FBXW11: variants seen among roughly 807,000 people sequenced by gnomAD.
The protein encoded by FBXW11 is F-box and WD repeat domain containing 11, also known as F-box/WD repeat-containing protein 11.
A neutral mutation model predicts 77.6 loss-of-function variants in FBXW11; 19 were observed. The observed-to-expected ratio is 0.24, with a 90% CI of 0.17 to 0.36. The LOEUF is 0.36. Ranked by LOEUF, FBXW11 falls within the 10% of genes least tolerant of loss-of-function variation. FBXW11 has a pLI of 1.00. For missense variants in FBXW11, 334 were observed against 704.2 expected (o/e 0.47, Z 5.95); for synonymous variants, 235 against 249.4 (o/e 0.94, Z 0.54).
At chr5:171,868,936 T>C in intron 12 of FBXW11, 140 bp from the exon 13 acceptor site, 1 of 653,582 alleles carries the variant, frequency 1.5e-6, no homozygotes, top group East Asian at 3.0e-5. Flanking sequence ...CTGAACTGTG[T>C]CCTTCATCCC....
At chr5:171,970,692 T>TA (rs1488281592) in intron 1 of FBXW11, among the ~76,000 whole-genome samples, 1 of 152,184 alleles carries the variant, frequency 6.6e-6, no homozygotes, top group Non-Finnish European at 1.5e-5. Context: ...ACAATGGTAA[T>TA]AAAAATTTTG....
At chr5:171,988,951 C>T (rs1241559905) in intron 1 of FBXW11, among the ~76,000 whole-genome samples, 2 of 152,048 alleles carry the variant, frequency 1.3e-5, no homozygotes, top group African/African-American at 2.4e-5. Context: ...CCGAGGTGGG[C>T]GAATCTCCTG....
At chr5:171,917,580 T>C (rs1761334557) in intron 2 of FBXW11, among the ~76,000 whole-genome samples, 1 of 152,198 alleles carries the variant, frequency 6.6e-6, no homozygotes, top group African/African-American at 2.4e-5. Flanking sequence ...TACATACTTT[T>C]CCACTTCTTT....
intron 2 of FBXW11, among the ~76,000 whole-genome samples, chr5:171,947,661 G>A (rs990650894): frequency 6.6e-6 from 1 of 152,112 alleles, no homozygotes; most frequent in African/African-American, 2.4e-5. Flanking sequence ...CCATTAATAA[G>A]AGACTGATTA....
intron 7 of FBXW11, among the ~76,000 whole-genome samples, chr5:171,880,570 A>C (rs143797078): frequency 6.6e-6 from 1 of 152,218 alleles, no homozygotes; most frequent in Admixed American, 6.5e-5. Context: ...AGCATGAAAT[A>C]TCTCTCCCCA....
rs189372699 is a variant in FBXW11 at position 171,978,943 on chromosome 5, T to C, written c.46-21245A>G. Among the ~76,000 whole-genome samples, 25 of 152,336 alleles carry C rather than the reference T, an allele frequency of 1.6e-4. No individual in the cohort carries two copies. In the East Asian group the frequency reaches 3.7e-3, roughly 22 times the overall value. ...TTAATTAAACTGAGATTTTTTGATTTATTAAAACCCTAAAATGGCATAAAC... is the reference window on the plus strand; with the variant it reads ...TTAATTAAACTGAGATTTTTTGATTCATTAAAACCCTAAAATGGCATAAAC... On this transcript the variant is annotated intron_variant, in intron 1 of 13. Transcript: ENST00000517395.
intron 2 of FBXW11, among the ~76,000 whole-genome samples, chr5:171,948,458 C>A (rs926140209): frequency 6.6e-6 from 1 of 151,916 alleles, no homozygotes. Context: ...GTGTTACTAG[C>A]CAGGCATGGT....
At chr5:171,940,639 C>T (rs990466841) in intron 2 of FBXW11, among the ~76,000 whole-genome samples, 3 of 152,132 alleles carry the variant, frequency 2.0e-5, no homozygotes, top group Admixed American at 6.6e-5. Flanking sequence ...TCTGTAATCC[C>T]GGCACTTTGG....
intron 1 of FBXW11, among the ~76,000 whole-genome samples, chr5:171,970,456 C>A (rs779713353): frequency 6.6e-6 from 1 of 152,210 alleles, no homozygotes; most frequent in Non-Finnish European, 1.5e-5. Flanking sequence ...TTATAAACCA[C>A]CCAGTCTCGG....
chr5:171,883,251 T>C (rs1005899247), intron 7 of FBXW11, among the ~76,000 whole-genome samples: 2 of 152,214 alleles, frequency 1.3e-5, no homozygotes, highest in African/African-American at 4.8e-5. Context: ...TAAACATCCA[T>C]GTGCAAGTGT....
chr5:171,888,139 T>TC (rs1759043285), intron 7 of FBXW11, among the ~76,000 whole-genome samples: 1 of 152,016 alleles, frequency 6.6e-6, no homozygotes, highest in South Asian at 2.1e-4. Context: ...GGCTCATGGC[T>TC]CCAGTCATGA....
rs1252058586 is a variant in FBXW11, at chr5:171,904,377, T to C, written c.437-4277A>G. Among the ~76,000 whole-genome samples the C allele has an allele frequency of 2.0e-5, 3 of 152,080 alleles. No individual in the cohort carries two copies. Among genetic ancestry groups the C allele is most frequent in the Admixed American group, 1.3e-4 (2 of 15,264 alleles). ...CAAAGGCTGCAACATCCCCATCATCTGTGACGGGAAAGCAGCACCCAAACC... is the reference window on the plus strand; with the variant it reads ...CAAAGGCTGCAACATCCCCATCATCCGTGACGGGAAAGCAGCACCCAAACC... On this transcript the variant is annotated intron_variant, in intron 4 of 13. Transcript: ENST00000517395. The surrounding 1 kb of genome is among the most constrained non-coding windows in gnomAD (Gnocchi z 4.0).
At chr5:171,916,299 T>C (rs1302240799) in intron 2 of FBXW11, among the ~76,000 whole-genome samples, 1 of 152,014 alleles carries the variant, frequency 6.6e-6, no homozygotes, top group Non-Finnish European at 1.5e-5. Context: ...GTTATCTTCT[T>C]ATGCTTTTCT....
chr5:171,928,211 T>C (rs1761987385), intron 2 of FBXW11, among the ~76,000 whole-genome samples: 1 of 152,180 alleles, frequency 6.6e-6, no homozygotes, highest in African/African-American at 2.4e-5. Context: ...ATAGAAAATA[T>C]GACTAACTGA....
intron 9 of FBXW11, among the ~76,000 whole-genome samples, chr5:171,875,570 C>G (rs909738959): frequency 2.0e-5 from 3 of 151,960 alleles, no homozygotes; most frequent in African/African-American, 7.3e-5. Context: ...CGGAATTACA[C>G]CCTTTAAAAT....
intron 1 of FBXW11, among the ~76,000 whole-genome samples, chr5:171,968,548 C>T (rs1291649830): frequency 1.3e-5 from 2 of 152,018 alleles, no homozygotes; most frequent in East Asian, 3.9e-4. Context: ...AGATAGCTAA[C>T]AGATGATCTC....
At chr5:171,890,220 A>C (rs993391201) in intron 7 of FBXW11, among the ~76,000 whole-genome samples, 2 of 152,108 alleles carry the variant, frequency 1.3e-5, no homozygotes, top group Non-Finnish European at 2.9e-5. Context: ...AGGGCTGACA[A>C]GGATACAGAA....
intron 4 of FBXW11, among the ~76,000 whole-genome samples, chr5:171,903,202 T>G (rs1760255203): frequency 6.6e-6 from 1 of 151,902 alleles, no homozygotes; most frequent in African/African-American, 2.4e-5. Flanking sequence ...GTTCAAGCAA[T>G]CCTCCCACCT....
At chr5:171,875,635 G>C (rs1487904015) in intron 9 of FBXW11, among the ~76,000 whole-genome samples, 2 of 152,104 alleles carry the variant, frequency 1.3e-5, no homozygotes, top group Non-Finnish European at 2.9e-5. Flanking sequence ...TAAAAGCATA[G>C]GAAAGCTAAA....
Sources: allele counts gnomAD v4.1 joint callset (sites outside exome capture counted in the v4.1 genomes callset), GRCh38; gene constraint gnomAD v4.1.1; non-coding constraint Gnocchi (gnomAD v3.1); transcripts MANE v1.5; gene names NCBI Gene and HGNC (gene_info 2026-07-23, HGNC 2026-07-21).